The following GALNTL6 variants were observed in gnomAD, a reference collection of about 807,000 sequenced individuals.
GALNTL6 encodes the protein polypeptide N-acetylgalactosaminyltransferase like 6.
A neutral mutation model predicts 73.7 loss-of-function variants in GALNTL6; 46 were observed. The observed-to-expected ratio is 0.62, with a 90% CI of 0.49 to 0.80. GALNTL6 has a LOEUF of 0.80. Ranked by LOEUF, GALNTL6 falls within the 30% of genes least tolerant of loss-of-function variation. GALNTL6 has a pLI of 0.00. For missense variants in GALNTL6, 604 were observed against 755.0 expected, an observed-to-expected ratio of 0.80 and a Z score of 2.34; for synonymous variants, 259 against 263.7, an observed-to-expected ratio of 0.98 and a Z score of 0.17.
chr4:172,094,251 G>A (rs1348270667), intron 2 of GALNTL6, among the ~76,000 whole-genome samples: 1 of 152,014 alleles, frequency 6.6e-6, no homozygotes, highest in Non-Finnish European at 1.5e-5. Flanking sequence ...AACTTACTTG[G>A]AAATGACTCA....
chr4:171,949,385 G>A (rs1738799761), intron 2 of GALNTL6, among the ~76,000 whole-genome samples: 1 of 152,152 alleles, frequency 6.6e-6, no homozygotes, highest in Admixed American at 6.6e-5. Flanking sequence ...AGAATGTCCA[G>A]GCTAGGGGAA....
chr4:172,686,461 C>T (rs1732925242), intron 5 of GALNTL6, among the ~76,000 whole-genome samples: 1 of 152,142 alleles, frequency 6.6e-6, no homozygotes, highest in Non-Finnish European at 1.5e-5. Context: ...AAGGAATCTA[C>T]ACACAAAGAT....
chr4:173,037,012 A>G (rs987671402), intron 12 of GALNTL6, among the ~76,000 whole-genome samples: 3 of 152,242 alleles, frequency 2.0e-5, no homozygotes, highest in African/African-American at 7.2e-5. Context: ...TTAGTGATTC[A>G]CAAGCTCAGC....
chr4:173,016,450 G>T (rs1345556722), intron 11 of GALNTL6, among the ~76,000 whole-genome samples: 1 of 152,214 alleles, frequency 6.6e-6, no homozygotes, highest in Admixed American at 6.5e-5. Flanking sequence ...GGCCATGGAA[G>T]CCCACTTCTT....
At chr4:172,687,205 G>C (rs919324452) in intron 5 of GALNTL6, among the ~76,000 whole-genome samples, 1 of 151,876 alleles carries the variant, frequency 6.6e-6, no homozygotes, top group Non-Finnish European at 1.5e-5. Flanking sequence ...TTTGCTTTTG[G>C]TCTATAATAA....
rs548736765 is a variant in GALNTL6, at chr4:172,824,135, T to G, written c.923+10412T>G. Among the ~76,000 whole-genome samples, 5 of 152,278 alleles carry G rather than the reference T, an allele frequency of 3.3e-5. No individual in the cohort carries two copies. The East Asian group carries it at 9.7e-4, about 29-fold the overall frequency. The stretch of plus-strand genomic sequence containing the variant: ...AACAAGCCTGAACAATATGTATAGC[T>G]CTAAAGTCTAGCGAAGAAAACTAAG... On this transcript the variant is annotated intron_variant, in intron 7 of 12. Transcript: ENST00000506823.
At position 173,000,103 on chromosome 4, in the gene GALNTL6, T is replaced by C. The variant is rs569827683; in HGVS notation, c.1372-9075T>C. On this transcript the variant is annotated intron_variant, in intron 10 of 12. Coordinates refer to ENST00000506823, the MANE Select transcript of GALNTL6 (RefSeq NM_001034845.3). ...GAAACATTAACATCTATTGAGCACATAATATGGTCCATACACTAAAACAAA... is the reference window on the plus strand; with the variant it reads ...GAAACATTAACATCTATTGAGCACACAATATGGTCCATACACTAAAACAAA... 1.3e-4 allele frequency among the ~76,000 whole-genome samples: 20 copies of C among 152,286 alleles called. No individual in the cohort carries two copies. The South Asian group carries it at 4.1e-3, about 32-fold the overall frequency.
intron 4 of GALNTL6, among the ~76,000 whole-genome samples, chr4:172,318,820 G>GA (rs1258919961): frequency 2.0e-5 from 3 of 150,566 alleles, no homozygotes; most frequent in African/African-American, 2.4e-5. Flanking sequence ...CAGTGCACAT[G>GA]AAAAAAAAAT....
chr4:172,481,785 C>T (rs1018188714), intron 5 of GALNTL6, among the ~76,000 whole-genome samples: 1 of 152,234 alleles, frequency 6.6e-6, no homozygotes, highest in East Asian at 1.9e-4. Flanking sequence ...CATAAAAGTT[C>T]TCCAAGTCCC....
At chr4:172,734,461 G>A (rs1279763168) in intron 5 of GALNTL6, among the ~76,000 whole-genome samples, 1 of 152,152 alleles carries the variant, frequency 6.6e-6, no homozygotes, top group African/African-American at 2.4e-5. Context: ...GGAGAAATTG[G>A]CCAAAACAAA....
intron 3 of GALNTL6, among the ~76,000 whole-genome samples, chr4:172,281,028 G>A (rs576696323): frequency 2.0e-5 from 3 of 151,910 alleles, no homozygotes; most frequent in Admixed American, 6.6e-5. Flanking sequence ...AATTAGCCGG[G>A]CGTGGTGGCG....
chr4:172,119,999 G>C (rs1244952319), intron 2 of GALNTL6, among the ~76,000 whole-genome samples: 3 of 152,102 alleles, frequency 2.0e-5, no homozygotes, highest in African/African-American at 7.2e-5. Flanking sequence ...TGTAAAAATT[G>C]AGCAGACTAA....
intron 2 of GALNTL6, among the ~76,000 whole-genome samples, chr4:172,225,768 ATAAATAAATAAG>A (rs1218307614): frequency 6.6e-6 from 1 of 152,046 alleles, no homozygotes; most frequent in African/African-American, 2.4e-5. Flanking sequence ...AAATAAATAA[ATAAATAAATAAG>A]TAAATAAATG....
At position 172,871,963 on chromosome 4, in the gene GALNTL6, T is replaced by C. The variant is rs1048009631; in HGVS notation, c.924-10827T>C. Among the ~76,000 whole-genome samples the C allele has an allele frequency of 6.6e-5, 10 of 152,242 alleles. No homozygotes were observed. In the South Asian group the frequency reaches 1.2e-3, roughly 19 times the overall value. On this transcript the variant is annotated intron_variant, in intron 7 of 12. Coordinates refer to ENST00000506823, the MANE Select transcript of GALNTL6 (RefSeq NM_001034845.3). ...CATGCGCCACCATGCCCGGCTAATATTGTATTTTTAGTAGAGACGGGGTTT... is the reference window on the plus strand; with the variant it reads ...CATGCGCCACCATGCCCGGCTAATACTGTATTTTTAGTAGAGACGGGGTTT...
At chr4:171,859,050 T>C (rs1208171272) in intron 2 of GALNTL6, among the ~76,000 whole-genome samples, 1 of 152,186 alleles carries the variant, frequency 6.6e-6, no homozygotes, top group Non-Finnish European at 1.5e-5. Context: ...CTAATGTGTC[T>C]CTTCATAATT....
At chr4:171,996,367 G>A (rs1370610291) in intron 2 of GALNTL6, among the ~76,000 whole-genome samples, 2 of 152,004 alleles carry the variant, frequency 1.3e-5, no homozygotes, top group African/African-American at 4.8e-5. Context: ...TTGTATTGAT[G>A]TGATATTTCA....
At chr4:172,092,428 G>A (rs952599388) in intron 2 of GALNTL6, among the ~76,000 whole-genome samples, 10 of 151,994 alleles carry the variant, frequency 6.6e-5, no homozygotes, top group Middle Eastern at 3.4e-3. Flanking sequence ...TAAAATAAGC[G>A]TGTTTCTTAT....
At chr4:172,701,033 T>A (rs543748539) in intron 5 of GALNTL6, among the ~76,000 whole-genome samples, 7 of 152,122 alleles carry the variant, frequency 4.6e-5, no homozygotes, top group Non-Finnish European at 8.8e-5. Context: ...AAGTAGAAAT[T>A]TAGCAATATG....
intron 11 of GALNTL6, among the ~76,000 whole-genome samples, chr4:173,019,396 C>G (rs907525476): frequency 6.6e-6 from 1 of 152,004 alleles, no homozygotes; most frequent in Non-Finnish European, 1.5e-5. Context: ...AAGAGAGAAC[C>G]CTGAGCAACA....
Sources: gnomAD v4.1 joint callset for allele counts (sites outside exome capture counted in the v4.1 genomes callset) on GRCh38, gnomAD v4.1.1 for gene constraint, MANE v1.5 for transcripts, NCBI Gene and HGNC (gene_info 2026-07-23, HGNC 2026-07-21) for gene names.